The following FAM228B variants were observed in gnomAD, a reference collection of about 807,000 sequenced individuals.
FAM228B encodes the protein family with sequence similarity 228 member B.
In FAM228B, 38 loss-of-function variants were observed where a neutral mutation model predicts 42.6. The observed-to-expected ratio is 0.89, with a 90% CI of 0.69 to 1.17. The LOEUF is 1.17. Among genes scored for constraint, FAM228B ranks in the 50% most tolerant of loss-of-function variants. The pLI is 0.00. For synonymous variants in FAM228B, 109 were observed against 122.3 expected (o/e 0.89, Z 0.72); for missense variants, 344 against 367.3 (o/e 0.94, Z 0.52).
chr2:24,079,424 T>G (rs531856385), intron 1 of FAM228B: 2 of 1,611,810 alleles, frequency 1.2e-6, no homozygotes, highest in South Asian at 2.2e-5. Context: ...TCACATGTTT[T>G]CTTTTCATTC....
intron 3 of FAM228B, among the ~76,000 whole-genome samples, chr2:24,136,631 A>G (rs1666598266): frequency 6.6e-6 from 1 of 152,102 alleles, no homozygotes; most frequent in Non-Finnish European, 1.5e-5. Context: ...CTGAAATGCT[A>G]GGATTACCGG....
intron 4 of FAM228B, 90 bp from the exon 5 acceptor site, chr2:24,139,280 A>T: frequency 3.2e-6 from 2 of 626,832 alleles, no homozygotes; most frequent in Non-Finnish European, 5.5e-6. Flanking sequence ...CATAAGAATG[A>T]TACTATGTGT....
In FAM228B at chr2:24,124,120, G is replaced by A. The variant is rs1056159013; in HGVS notation, c.-32-210G>A. 15 of 355,750 alleles carry A rather than the reference G, an allele frequency of 4.2e-5. No individual in the cohort carries two copies. The East Asian group carries it at 5.6e-4, about 13-fold the overall frequency. 22.0% of individuals were successfully genotyped at this position (355,750 alleles called of 1,614,324 possible). A position where few individuals can be genotyped will look rare whatever the true frequency, so the allele number is the denominator to read the frequency against. On this transcript the variant is annotated intron_variant, in intron 1 of 10. Coordinates refer to ENST00000615575, the MANE Select transcript of FAM228B (RefSeq NM_001145710.2). ...TGGGAATCCATTCCAAGGGACGGGGGATTCTTTCAAAGAGCATCTCGCCTG... is the reference window on the plus strand; with the variant it reads ...TGGGAATCCATTCCAAGGGACGGGGAATTCTTTCAAAGAGCATCTCGCCTG...
At chr2:24,124,164 T>C (rs2151012073) in intron 1 of FAM228B, 166 bp from the exon 2 acceptor site, 1 of 471,904 alleles carries the variant, frequency 2.1e-6, no homozygotes, top group Non-Finnish European at 3.8e-6. Context: ...GGAGGCTGGC[T>C]CTGAAGCCGT....
Position 24,077,547 on chromosome 2 carries a change from G to A in FAM228B, c.-290+578G>A. On this transcript the variant is annotated intron_variant, in intron 1 of 10. Transcript: ENST00000613899. The surrounding 1 kb of genome is among the most constrained non-coding windows in gnomAD (Gnocchi z 5.5). The stretch of plus-strand genomic sequence containing the variant: ...CCAGGTTTGCTCTGGAAAGGCCTGG[G>A]GTGGCCGCGTCCTGTCCTGCCCCAT... 1 of 1,592,800 alleles carries A rather than the reference G, an allele frequency of 6.3e-7. No individual in the cohort carries two copies. Among genetic ancestry groups the A allele is most frequent in the Non-Finnish European group, 8.5e-7 (1 of 1,170,508 alleles).
At chr2:24,122,649 C>A, upstream of FAM228B, 1 of 725,956 alleles carries the variant, frequency 1.4e-6, no homozygotes. Context: ...CTAAGATCAG[C>A]AAGTGTACTT....
At chr2:24,124,275 G>A in intron 1 of FAM228B, 55 bp from the exon 2 acceptor site, 1 of 896,944 alleles carries the variant, frequency 1.1e-6, no homozygotes, top group Non-Finnish European at 1.7e-6. Context: ...GTATTAAACA[G>A]AAGAGAAAAT....
intron 7 of FAM228B, among the ~76,000 whole-genome samples, chr2:24,154,323 A>G (rs773807705): frequency 2.0e-5 from 3 of 152,102 alleles, no homozygotes; most frequent in Non-Finnish European, 4.4e-5. Context: ...TCTTTGCCAT[A>G]TACTATTTTC....
At position 24,080,992 on chromosome 2, in the gene FAM228B, C is replaced by G; in HGVS notation, c.-210+37C>G. The G allele has an allele frequency of 6.2e-7, 1 of 1,614,174 alleles. No individual in the cohort carries two copies. Among genetic ancestry groups the G allele is most frequent in the Non-Finnish European group, 8.5e-7 (1 of 1,180,028 alleles). Reference sequence around the variant, plus strand: ...AGCAGCTGTGCCCACACCACTCAGTCCTGCATGGATTAGCACATAGTCTCC... The same window carrying G: ...AGCAGCTGTGCCCACACCACTCAGTGCTGCATGGATTAGCACATAGTCTCC... On this transcript the variant is annotated intron_variant, in intron 2 of 10. Transcript: ENST00000613899. This position sits in a 1 kb window ranked among gnomAD's most constrained non-coding sequence, Gnocchi z 4.7.
chr2:24,161,997 G>T (rs1326888186), intron 8 of FAM228B, among the ~76,000 whole-genome samples: 2 of 152,208 alleles, frequency 1.3e-5, no homozygotes, highest in Non-Finnish European at 2.9e-5. Flanking sequence ...TATCTGGAAG[G>T]CTGAGGCAGG....
chr2:24,092,924 G>GCACGCA (rs1553326195), intron 2 of FAM228B, among the ~76,000 whole-genome samples: 6 of 133,438 alleles, frequency 4.5e-5, no homozygotes, highest in Non-Finnish European at 6.4e-5. Flanking sequence ...ATGATTTTAT[G>GCACGCA]CACACACACA....
At chr2:24,125,737 A>C (rs1041574337) in intron 2 of FAM228B, among the ~76,000 whole-genome samples, 3 of 151,720 alleles carry the variant, frequency 2.0e-5, no homozygotes, top group African/African-American at 7.3e-5. Flanking sequence ...ATTTTTTTGG[A>C]TTTTTAGTAG....
chr2:24,143,005 C>G (rs542177291), intron 5 of FAM228B, among the ~76,000 whole-genome samples: 136 of 152,234 alleles, frequency 8.9e-4, no homozygotes, highest in African/African-American at 3.2e-3. Flanking sequence ...GACTAATGGA[C>G]TTAGTAGAAG....
chr2:24,125,540 C>A (rs140989989), intron 2 of FAM228B, among the ~76,000 whole-genome samples: 7 of 150,920 alleles, frequency 4.6e-5, no homozygotes, highest in African/African-American at 1.7e-4. Flanking sequence ...CTTTCTTTCT[C>A]TTTCTTTCAT....
chr2:24,133,492 T>C (rs532470136), intron 2 of FAM228B, among the ~76,000 whole-genome samples: 80 of 152,204 alleles, frequency 5.3e-4, no homozygotes, highest in Non-Finnish European at 9.8e-4. Context: ...GTCCTGGAAA[T>C]AAAAGCAGTG....
intron 7 of FAM228B, among the ~76,000 whole-genome samples, chr2:24,158,776 A>T (rs1667221869): frequency 6.6e-6 from 1 of 152,178 alleles, no homozygotes; most frequent in Non-Finnish European, 1.5e-5. Flanking sequence ...AGGGAGAACT[A>T]AGAGTCAGAG....
At chr2:24,135,216 G>T in intron 3 of FAM228B, 29 bp downstream of exon 3, 1 of 1,243,876 alleles carries the variant, frequency 8.0e-7, no homozygotes, top group Non-Finnish European at 1.1e-6. Flanking sequence ...ATGCATCTCA[G>T]TTAAAAATTA....
intron 9 of FAM228B, among the ~76,000 whole-genome samples, chr2:24,164,549 TGCCCCCTGGTGGAGCCACACGATGAGGG>T (rs1667356402): frequency 1.4e-4 from 1 of 7,310 alleles, no homozygotes; most frequent in Non-Finnish European, 1.6e-3. Flanking sequence ...ACGATGAGGG[TGCCCCCTGGTGGAGCCACACGATGAGGG>T]TGCCCCCTGG....
At chr2:24,141,704 TA>T (rs1374049474) in intron 5 of FAM228B, among the ~76,000 whole-genome samples, 1 of 152,222 alleles carries the variant, frequency 6.6e-6, no homozygotes, top group African/African-American at 2.4e-5. Context: ...AAATGGTATT[TA>T]GGGGATAATT....
Sources: allele counts gnomAD v4.1 joint callset (sites outside exome capture counted in the v4.1 genomes callset), GRCh38; gene constraint gnomAD v4.1.1; non-coding constraint Gnocchi (gnomAD v3.1); transcripts MANE v1.5; gene names NCBI Gene and HGNC (gene_info 2026-07-23, HGNC 2026-07-21).